PCGF3: variants seen among roughly 807,000 people sequenced by gnomAD.
PCGF3 encodes the protein polycomb group ring finger 3, also known as polycomb group RING finger protein 3.
In PCGF3, 7 loss-of-function variants were observed where a neutral mutation model predicts 33.1. The observed-to-expected ratio is 0.21, with a 90% CI of 0.12 to 0.40. The LOEUF (loss-of-function observed/expected upper bound fraction) is 0.40. PCGF3 is among the 10% of genes least tolerant of loss of function. The pLI, the probability that PCGF3 is intolerant of heterozygous loss-of-function variation, is 1.00. For synonymous variants in PCGF3, 153 were observed against 121.3 expected, an observed-to-expected ratio of 1.26 and a Z score of -1.72; for missense variants, 211 against 313.3, an observed-to-expected ratio of 0.67 and a Z score of 2.46.
chr4:766,794 G>C (rs966173850), exon 11 of PCGF3: 1 of 152,236 alleles, frequency 6.6e-6, no homozygotes, highest in Non-Finnish European at 1.5e-5. Context: ...CGCCACGTCG[G>C]GATTTCTGAC....
At chr4:718,605 C>A (rs1451085566) in intron 1 of PCGF3, among the ~76,000 whole-genome samples, 1 of 152,248 alleles carries the variant, frequency 6.6e-6, no homozygotes, top group African/African-American at 2.4e-5. Context: ...CTGTGTGTGG[C>A]CCCCACAGTG....
chr4:729,118 A>C (rs1222171747), intron 1 of PCGF3, among the ~76,000 whole-genome samples: 5 of 149,366 alleles, frequency 3.3e-5, no homozygotes, highest in African/African-American at 7.3e-5. Context: ...AAAAAAAAAA[A>C]AAAAAAAAAA....
At chr4:739,608 G>A (rs1368862321) in intron 6 of PCGF3, among the ~76,000 whole-genome samples, 2 of 152,208 alleles carry the variant, frequency 1.3e-5, no homozygotes, top group Non-Finnish European at 2.9e-5. Flanking sequence ...GGACCTGGGT[G>A]CGTTCCACCC....
At chr4:761,826 C>CTTG in intron 9 of PCGF3, 1 of 985,374 alleles carries the variant, frequency 1.0e-6, no homozygotes, top group South Asian at 4.7e-5. Context: ...TGGCAGCGGG[C>CTTG]GCACCATGAA....
rs961897342 is a variant in PCGF3, at chr4:764,829, T to G, written c.601-155T>G. 1.2e-5 allele frequency: 7 copies of G among 606,632 alleles called. No individual in the cohort carries two copies. In the African/African-American group the frequency reaches 1.3e-4, roughly 11 times the overall value. 37.6% of individuals were successfully genotyped at this position (606,632 alleles called of 1,614,324 possible). A position where few individuals can be genotyped will look rare whatever the true frequency, so the allele number is the denominator to read the frequency against. On this transcript the variant is annotated intron_variant, in intron 9 of 10. Coordinates refer to ENST00000362003, the Ensembl canonical transcript of PCGF3. ...CCATCTCTAGGCTGTGAGGTAGGGATGGAGGAATACATGAACCAGCCCCCC... is the reference window on the plus strand; with the variant it reads ...CCATCTCTAGGCTGTGAGGTAGGGAGGGAGGAATACATGAACCAGCCCCCC...
chr4:719,226 T>C (rs1742978393), intron 1 of PCGF3, among the ~76,000 whole-genome samples: 1 of 152,190 alleles, frequency 6.6e-6, no homozygotes, highest in Non-Finnish European at 1.5e-5. Flanking sequence ...GTGCTGGGAT[T>C]ACAGGTGTGA....
rs574610676 is a variant in PCGF3, at chr4:755,498, G to A, written c.463-5781G>A. 7.9e-5 allele frequency among the ~76,000 whole-genome samples: 12 copies of A among 152,244 alleles called. 1 individual carries two copies. In the East Asian group the frequency reaches 1.2e-3, roughly 15 times the overall value. On this transcript the variant is annotated intron_variant, in intron 8 of 10. Coordinates refer to ENST00000362003, the Ensembl canonical transcript of PCGF3. ...CTGCAGGGATCGTCTTTCCTTCTGCGGCTGTCGGCTTTCTTCGACCTATCA... is the reference window on the plus strand; with the variant it reads ...CTGCAGGGATCGTCTTTCCTTCTGCAGCTGTCGGCTTTCTTCGACCTATCA...
intron 8 of PCGF3, among the ~76,000 whole-genome samples, chr4:758,479 C>T (rs1446009619): frequency 7.1e-6 from 1 of 140,550 alleles, no homozygotes; most frequent in East Asian, 2.1e-4. Flanking sequence ...TCCCGTGCGG[C>T]CCCTCTCCCG....
At chr4:751,354 G>A (rs190217592) in intron 8 of PCGF3, among the ~76,000 whole-genome samples, 3 of 152,048 alleles carry the variant, frequency 2.0e-5, no homozygotes, top group Admixed American at 6.6e-5. Context: ...GTTTTGATGC[G>A]ACGTTATAGT....
intron 1 of PCGF3, among the ~76,000 whole-genome samples, chr4:729,121 A>C (rs1309056526): frequency 3.3e-5 from 5 of 149,714 alleles, no homozygotes; most frequent in East Asian, 1.9e-4. Flanking sequence ...AAAAAAAAAA[A>C]AAAAAAAACT....
intron 6 of PCGF3, among the ~76,000 whole-genome samples, chr4:740,928 C>A (rs531334969): frequency 1.3e-5 from 2 of 152,254 alleles, no homozygotes; most frequent in South Asian, 4.2e-4. Context: ...ATCGTCACTG[C>A]ATTGGGACGT....
chr4:763,458 T>A (rs780044766), intron 9 of PCGF3, among the ~76,000 whole-genome samples: 2 of 152,224 alleles, frequency 1.3e-5, no homozygotes, highest in Non-Finnish European at 2.9e-5. Context: ...CTGCTTCAAT[T>A]CATGCCTTCC....
intron 3 of PCGF3, chr4:732,333 CCT>C (rs535189179): frequency 2.1e-5 from 3 of 140,750 alleles, no homozygotes; most frequent in African/African-American, 7.7e-5. Flanking sequence ...CCTCCCCTTC[CCT>C]CCTCCCCTCC....
chr4:735,285 G>A (rs1056589279), intron 5 of PCGF3, among the ~76,000 whole-genome samples: 2 of 152,192 alleles, frequency 1.3e-5, no homozygotes, highest in Non-Finnish European at 2.9e-5. Context: ...AGGGGCTCAT[G>A]CCTATAATCC....
chr4:724,298 G>A (rs949377813), intron 1 of PCGF3, among the ~76,000 whole-genome samples: 2 of 152,202 alleles, frequency 1.3e-5, no homozygotes, highest in Non-Finnish European at 2.9e-5. Flanking sequence ...TTCCACACCC[G>A]AGTCCGTCCT....
rs545455673 is a variant in PCGF3, at chr4:752,858, G to A, written c.462+8170G>A. On this transcript the variant is annotated intron_variant, in intron 8 of 10. Coordinates refer to ENST00000362003, the Ensembl canonical transcript of PCGF3. Reference sequence around the variant, plus strand: ...TGTCAGATCCAAACACTCGGCCTCCGCCCATCTTCGTTTTCAGAGCCTCGG... The same window carrying A: ...TGTCAGATCCAAACACTCGGCCTCCACCCATCTTCGTTTTCAGAGCCTCGG... Among the ~76,000 whole-genome samples, 41 of 152,344 alleles carry A rather than the reference G, an allele frequency of 2.7e-4. No individual in the cohort carries two copies. In the South Asian group the frequency reaches 5.0e-3, roughly 18 times the overall value.
intron 6 of PCGF3, among the ~76,000 whole-genome samples, chr4:742,043 G>T (rs2152588591): frequency 6.6e-6 from 1 of 152,122 alleles, no homozygotes; most frequent in East Asian, 1.9e-4. Context: ...TAATCTTTCA[G>T]CATTTCCCTT....
chr4:731,589 A>ATG (rs1743566515), intron 3 of PCGF3, among the ~76,000 whole-genome samples: 1 of 62,638 alleles, frequency 1.6e-5, no homozygotes, highest in Non-Finnish European at 3.3e-5. Context: ...GTCCTCGGGC[A>ATG]TAGGGCGGGG....
chr4:758,066 G>A (rs1451077141), intron 8 of PCGF3, among the ~76,000 whole-genome samples: 1 of 151,390 alleles, frequency 6.6e-6, no homozygotes, highest in African/African-American at 2.4e-5. Context: ...TACTCGGGAG[G>A]CTGAGGCAGC....
Sources: allele counts gnomAD v4.1 joint callset (sites outside exome capture counted in the v4.1 genomes callset), GRCh38; gene constraint gnomAD v4.1.1; transcripts MANE v1.5; gene names NCBI Gene and HGNC (gene_info 2026-07-23, HGNC 2026-07-21).